Variants in TAFA1 observed in about 807,000 individuals in gnomAD.
TAFA1 encodes chemokine-like protein TAFA-1.
A neutral mutation model predicts 18.5 loss-of-function variants in TAFA1; 4 were observed. The ratio of observed to expected loss-of-function variants is 0.22; its 90% CI spans 0.11 to 0.49. The LOEUF is 0.49. TAFA1 is among the 20% of genes least tolerant of loss of function. The pLI is 0.98. For synonymous variants in TAFA1, 56 were observed against 55.2 expected (o/e 1.01, Z -0.06); for missense variants, 147 against 169.0 (o/e 0.87, Z 0.72).
intron 2 of TAFA1, among the ~76,000 whole-genome samples, chr3:68,026,111 G>GT (rs1388314300): frequency 6.6e-6 from 1 of 151,934 alleles, no homozygotes; most frequent in African/African-American, 2.4e-5. Context: ...CAAATCTAAC[G>GT]TAAGTATTTA....
chr3:68,002,837 G>A (rs182057465), upstream of TAFA1, among the ~76,000 whole-genome samples: 5,055 of 152,124 alleles, frequency 0.033, 118 homozygotes, highest in Non-Finnish European at 0.053. Context: ...GTGAAACAGA[G>A]ATAATAATAA....
Position 68,120,257 on chromosome 3 carries a change from C to CTTTCTT in TAFA1, c.118+113517_118+113522dup, listed in dbSNP as rs1553642745. 6.0e-4 allele frequency among the ~76,000 whole-genome samples: 41 copies of CTTTCTT among 68,704 alleles called. 2 individuals carry two copies. The highest frequency in any genetic ancestry group is 2.1e-3 in the African/African-American group (38 of 17,848). The allele number at this position is 68,704 out of a possible 152,430, so 45.1% of individuals were successfully genotyped here. A position where few individuals can be genotyped will look rare whatever the true frequency, so the allele number is the denominator to read the frequency against. On this transcript the variant is annotated intron_variant, in intron 2 of 4. Coordinates refer to ENST00000478136, the MANE Select transcript of TAFA1 (RefSeq NM_213609.4). ...TCTTTCTTTCTTTCTTTCTTTCTTT[C>CTTTCTT]TTTCTTTTTTGAGACAGAGTCTCAT...
At chr3:68,316,641 A>G (rs1559614140) in intron 2 of TAFA1, among the ~76,000 whole-genome samples, 1 of 152,194 alleles carries the variant, frequency 6.6e-6, no homozygotes, top group East Asian at 1.9e-4. Flanking sequence ...TGAATTCATT[A>G]GATTCCAATT....
At chr3:68,368,901 C>A (rs2069625811) in intron 2 of TAFA1, among the ~76,000 whole-genome samples, 1 of 152,150 alleles carries the variant, frequency 6.6e-6, no homozygotes, top group Non-Finnish European at 1.5e-5. Flanking sequence ...GCTGTTTTCT[C>A]CGTGAATTAA....
intron 3 of TAFA1, among the ~76,000 whole-genome samples, chr3:68,459,036 G>A (rs953311358): frequency 6.6e-6 from 1 of 152,170 alleles, no homozygotes; most frequent in African/African-American, 2.4e-5. Flanking sequence ...CATTAGCCTT[G>A]TTCTCACAGC....
chr3:68,297,651 G>T (rs1223971276), intron 2 of TAFA1, among the ~76,000 whole-genome samples: 1 of 151,892 alleles, frequency 6.6e-6, no homozygotes, highest in Non-Finnish European at 1.5e-5. Context: ...TAATATTATT[G>T]GTCATTTTTG....
intron 2 of TAFA1, chr3:68,247,400 T>C (rs1007416882): frequency 1.3e-5 from 2 of 152,306 alleles, no homozygotes; most frequent in East Asian, 3.9e-4. Flanking sequence ...CCAGCTCTGG[T>C]GAACTCCAGC....
chr3:68,320,362 G>T (rs954180955), intron 2 of TAFA1, among the ~76,000 whole-genome samples: 10 of 152,114 alleles, frequency 6.6e-5, no homozygotes, highest in African/African-American at 2.4e-4. Context: ...TCTGCTCTGG[G>T]CAAGGAGAGG....
At chr3:68,116,280 C>G (rs2065324149) in intron 2 of TAFA1, among the ~76,000 whole-genome samples, 1 of 122,752 alleles carries the variant, frequency 8.1e-6, no homozygotes, top group African/African-American at 2.8e-5. Context: ...AACAAACAAA[C>G]AAACAAAAAA....
intron 2 of TAFA1, among the ~76,000 whole-genome samples, chr3:68,084,830 CA>C (rs2064951745): frequency 6.7e-6 from 1 of 150,160 alleles, no homozygotes; most frequent in African/African-American, 2.4e-5. Flanking sequence ...AACCAAATAA[CA>C]AAAAGTAGCC....
At chr3:68,488,021 A>G (rs529252460) in intron 3 of TAFA1, among the ~76,000 whole-genome samples, 13 of 152,316 alleles carry the variant, frequency 8.5e-5, no homozygotes, top group African/African-American at 3.1e-4. Flanking sequence ...GCATAGTGTC[A>G]GTAGAGACAG....
chr3:68,180,781 C>T (rs1357121716), intron 2 of TAFA1, among the ~76,000 whole-genome samples: 1 of 152,116 alleles, frequency 6.6e-6, no homozygotes, highest in Admixed American at 6.5e-5. Context: ...CTAATACGAC[C>T]CCTGATGATC....
intron 2 of TAFA1, among the ~76,000 whole-genome samples, chr3:68,323,403 G>T (rs1223090384): frequency 1.3e-5 from 2 of 152,214 alleles, no homozygotes; most frequent in African/African-American, 4.8e-5. Context: ...GTAAAGGAAA[G>T]CTGAAGGGGA....
upstream of TAFA1, among the ~76,000 whole-genome samples, chr3:67,999,898 C>A (rs537428412): frequency 4.0e-5 from 6 of 151,850 alleles, no homozygotes; most frequent in East Asian, 1.2e-3. Context: ...AAGCAATTCT[C>A]CTGTTTCAGC....
chr3:68,275,239 ATAAT>A, intron 2 of TAFA1, among the ~76,000 whole-genome samples: 1 of 152,230 alleles, frequency 6.6e-6, no homozygotes, highest in South Asian at 2.1e-4. Context: ...AAATAAGCAA[ATAAT>A]TAAAATGTAA....
At chr3:68,347,597 G>A (rs2069185303) in intron 2 of TAFA1, among the ~76,000 whole-genome samples, 1 of 152,150 alleles carries the variant, frequency 6.6e-6, no homozygotes, top group Admixed American at 6.5e-5. Context: ...GCAGCCATGG[G>A]CAGCATAAAA....
At chr3:68,300,349 C>A (rs1178031133) in intron 2 of TAFA1, among the ~76,000 whole-genome samples, 1 of 152,132 alleles carries the variant, frequency 6.6e-6, no homozygotes, top group Non-Finnish European at 1.5e-5. Flanking sequence ...GAAGCTGTAG[C>A]CCTTTTGTTT....
At chr3:68,223,484 A>ATATG (rs2066757340) in intron 2 of TAFA1, among the ~76,000 whole-genome samples, 2 of 152,074 alleles carry the variant, frequency 1.3e-5, no homozygotes. Flanking sequence ...GTGTGTGTAT[A>ATATG]TATGTATGTA....
At chr3:68,053,905 A>G (rs2064502256) in intron 2 of TAFA1, among the ~76,000 whole-genome samples, 2 of 152,002 alleles carry the variant, frequency 1.3e-5, no homozygotes, top group South Asian at 4.2e-4. Context: ...AGGTCTTACT[A>G]TATTGCCCAG....
Sources: gnomAD v4.1 joint callset for allele counts (sites outside exome capture counted in the v4.1 genomes callset) on GRCh38, gnomAD v4.1.1 for gene constraint, MANE v1.5 for transcripts, NCBI Gene and HGNC (gene_info 2026-07-23, HGNC 2026-07-21) for gene names.